The following RALGPS1 variants were observed in gnomAD, a reference collection of about 807,000 sequenced individuals.
RALGPS1 encodes the protein ras-specific guanine nucleotide-releasing factor RalGPS1.
RALGPS1 carries 19 observed loss-of-function variants against 78.8 expected under a neutral mutation model. The observed-to-expected ratio is 0.24, with a 90% CI of 0.17 to 0.35. The LOEUF (loss-of-function observed/expected upper bound fraction) is 0.35, where lower values mean the gene tolerates loss of function less well. Ranked by LOEUF, RALGPS1 falls within the 10% of genes least tolerant of loss-of-function variation. The pLI, the probability that RALGPS1 is intolerant of heterozygous loss-of-function variation, is 1.00. For synonymous variants in RALGPS1, 228 were observed against 256.3 expected (o/e 0.89, Z 1.06); for missense variants, 454 against 688.3 (o/e 0.66, Z 3.81).
Position 127,001,001 on chromosome 9 carries a change from G to A in RALGPS1, c.216+23256G>A, listed in dbSNP as rs1198637230. On this transcript the variant is annotated intron_variant, in intron 4 of 18. Transcript: ENST00000259351. ...AGAAAAAAGTAAGTTCAGGCCAGGC[G>A]TGGTGGCTCACACCTATAATCCCAA... 2.0e-5 allele frequency among the ~76,000 whole-genome samples: 3 copies of A among 151,514 alleles called. 1 individual carries two copies. Among genetic ancestry groups the A allele is most frequent in the South Asian group, 4.2e-4 (2 of 4,780 alleles).
intron 8 of RALGPS1, among the ~76,000 whole-genome samples, chr9:127,145,820 C>T (rs2058062358): frequency 4.6e-5 from 7 of 152,230 alleles, no homozygotes; most frequent in Admixed American, 4.6e-4. Context: ...AGCTTCCCAA[C>T]CTCTCTGACC....
intron 8 of RALGPS1, among the ~76,000 whole-genome samples, chr9:127,149,151 C>T (rs1340000588): frequency 6.6e-6 from 1 of 152,254 alleles, no homozygotes; most frequent in African/African-American, 2.4e-5. Flanking sequence ...ACTAAGACCA[C>T]CTGGCTCTAG....
chr9:127,147,738 TGAATAAAA>T (rs1226058929), intron 8 of RALGPS1, among the ~76,000 whole-genome samples: 10 of 152,330 alleles, frequency 6.6e-5, no homozygotes, highest in African/African-American at 2.4e-4. Context: ...ACATATTTAT[TGAATAAAA>T]GAATGAATTA....
intron 4 of RALGPS1, among the ~76,000 whole-genome samples, chr9:127,031,179 C>T (rs189952025): frequency 5.3e-5 from 8 of 152,364 alleles, no homozygotes; most frequent in Non-Finnish European, 1.0e-4. Flanking sequence ...CTTGTCTCCT[C>T]TGGTCAATTT....
Position 127,091,103 on chromosome 9 carries a change from A to G in RALGPS1, c.610+21747A>G, listed in dbSNP as rs1170843306. 1.3e-5 allele frequency among the ~76,000 whole-genome samples: 2 copies of G among 152,246 alleles called. No individual in the cohort carries two copies. The highest frequency in any genetic ancestry group is 1.3e-4 in the Admixed American group (2 of 15,292). Reference sequence around the variant, plus strand: ...GTGACCATGAAGAAAGCCAGTTTGTATGGAGCCCTCGCTATGTGCCAAATC... The same window carrying G: ...GTGACCATGAAGAAAGCCAGTTTGTGTGGAGCCCTCGCTATGTGCCAAATC... On this transcript the variant is annotated intron_variant, in intron 8 of 18. Transcript: ENST00000259351. This position sits in a 1 kb window ranked among gnomAD's most constrained non-coding sequence, Gnocchi z 4.3.
At chr9:126,953,087 T>TA (rs1414988264) in intron 1 of RALGPS1, among the ~76,000 whole-genome samples, 2 of 152,192 alleles carry the variant, frequency 1.3e-5, no homozygotes, top group African/African-American at 4.8e-5. Context: ...TGTCTCATGT[T>TA]ATTTTCTTGG....
Position 127,044,463 on chromosome 9 carries a change from T to G in RALGPS1, c.301-5580T>G, listed in dbSNP as rs549788321. On this transcript the variant is annotated intron_variant, in intron 5 of 18. Transcript: ENST00000259351. ...TAGGGATGGGGTTTCTCCATGTTGC[T>G]CAGGCTGGTCTGGAACTCCTGACCT... 2.6e-5 allele frequency among the ~76,000 whole-genome samples: 4 copies of G among 152,256 alleles called. No homozygotes were observed. In the East Asian group the frequency reaches 7.7e-4, roughly 29 times the overall value.
At chr9:127,034,593 A>G (rs2046702290) in intron 5 of RALGPS1, 79 bp downstream of exon 5, 4 of 1,293,444 alleles carry the variant, frequency 3.1e-6, no homozygotes, top group Non-Finnish European at 4.5e-6. Context: ...CCCCACCCAA[A>G]GCTGTCTCCC....
chr9:127,108,249 C>G (rs2054432950), intron 8 of RALGPS1: 1 of 1,614,028 alleles, frequency 6.2e-7, no homozygotes, highest in East Asian at 2.2e-5. Context: ...GGTTCAGGAT[C>G]CTGTTCTCCA....
intron 4 of RALGPS1, among the ~76,000 whole-genome samples, chr9:126,993,596 C>T (rs2133279271): frequency 6.6e-6 from 1 of 151,862 alleles, no homozygotes; most frequent in Admixed American, 6.6e-5. Context: ...AAAGCTTCCA[C>T]TGTAGCTCTG....
intron 4 of RALGPS1, among the ~76,000 whole-genome samples, chr9:126,979,202 A>G (rs918419256): frequency 3.5e-4 from 53 of 151,824 alleles, no homozygotes; most frequent in South Asian, 2.1e-4. Flanking sequence ...TTCAGCATTT[A>G]TGTGAAGACG....
At chr9:126,963,383 G>C (rs1011198485) in intron 2 of RALGPS1, among the ~76,000 whole-genome samples, 1 of 152,058 alleles carries the variant, frequency 6.6e-6, no homozygotes, top group Non-Finnish European at 1.5e-5. Context: ...ATATTTGAGT[G>C]TGTATATATA....
chr9:127,020,736 G>A (rs1204588575), intron 4 of RALGPS1, among the ~76,000 whole-genome samples: 1 of 152,230 alleles, frequency 6.6e-6, no homozygotes, highest in Non-Finnish European at 1.5e-5. Context: ...ACCTGTGAGT[G>A]TGGGCATAGC....
intron 4 of RALGPS1, among the ~76,000 whole-genome samples, chr9:127,019,854 G>T (rs2045276859): frequency 6.6e-6 from 1 of 152,066 alleles, no homozygotes; most frequent in Non-Finnish European, 1.5e-5. Flanking sequence ...TTCCTGTAGT[G>T]TTTCTCTCAA....
At chr9:127,100,642 C>T (rs2053628212) in intron 8 of RALGPS1, among the ~76,000 whole-genome samples, 1 of 152,100 alleles carries the variant, frequency 6.6e-6, no homozygotes, top group Non-Finnish European at 1.5e-5. Flanking sequence ...GGCAGTGCCC[C>T]AGGGTTCCAC....
At chr9:127,030,202 G>A (rs888564258) in intron 4 of RALGPS1, among the ~76,000 whole-genome samples, 7 of 152,132 alleles carry the variant, frequency 4.6e-5, no homozygotes, top group South Asian at 2.1e-4. Context: ...TATCTTGGAC[G>A]GGAGCTCAGG....
chr9:127,015,904 T>C (rs2044771784), intron 4 of RALGPS1, among the ~76,000 whole-genome samples: 1 of 152,084 alleles, frequency 6.6e-6, no homozygotes, highest in South Asian at 2.1e-4. Context: ...TGATCCCACC[T>C]GGGGTTTAAC....
At chr9:127,184,997 CAT>C (rs895086342) in intron 11 of RALGPS1, among the ~76,000 whole-genome samples, 12 of 152,222 alleles carry the variant, frequency 7.9e-5, no homozygotes, top group African/African-American at 2.4e-4. Context: ...ATCCCAAACA[CAT>C]GTCTTCCTCC....
At chr9:126,988,062 G>C (rs139914631) in intron 4 of RALGPS1, among the ~76,000 whole-genome samples, 15 of 152,308 alleles carry the variant, frequency 9.8e-5, no homozygotes, top group Middle Eastern at 3.4e-3. Context: ...TGTCATGACG[G>C]GAGAAGTGTA....
Sources: allele counts gnomAD v4.1 joint callset (sites outside exome capture counted in the v4.1 genomes callset), GRCh38; gene constraint gnomAD v4.1.1; non-coding constraint Gnocchi (gnomAD v3.1); transcripts MANE v1.5; gene names NCBI Gene and HGNC (gene_info 2026-07-23, HGNC 2026-07-21).